The following MGA variants were observed in gnomAD, a reference collection of about 807,000 sequenced individuals.
MGA encodes the protein MAX dimerization protein MGA.
A neutral mutation model predicts 261.1 loss-of-function variants in MGA; 40 were observed. The observed-to-expected ratio is 0.15, with a 90% CI of 0.12 to 0.20. The LOEUF (loss-of-function observed/expected upper bound fraction) is 0.20, where lower values mean the gene tolerates loss of function less well. Ranked by LOEUF, MGA falls within the 10% of genes least tolerant of loss-of-function variation. The probability of loss-of-function intolerance (pLI) is 1.00; values close to 1 mark genes in which losing one functional copy is unlikely to be tolerated. For synonymous variants in MGA, 1,302 were observed against 1,290.6 expected (o/e 1.01, Z -0.19); for missense variants, 3,397 against 3,630.5 (o/e 0.94, Z 1.65).
In MGA at chr15:41,729,382, T is replaced by A. The variant is rs767255543; in HGVS notation, c.3843+33T>A. 35 of 1,572,914 alleles carry A rather than the reference T, an allele frequency of 2.2e-5. No individual in the cohort carries two copies. The East Asian group carries it at 7.9e-4, about 35-fold the overall frequency. On this transcript the variant is annotated intron_variant, in intron 11 of 23. Transcript: ENST00000219905. ...TCTTGTTGCATAAGTTCTTTTTAACTTCTGATTACCTGTTTTTGGTATTAA... is the reference window on the plus strand; with the variant it reads ...TCTTGTTGCATAAGTTCTTTTTAACATCTGATTACCTGTTTTTGGTATTAA...
rs370725511 is a variant in MGA at position 41,736,587 on chromosome 15, G to A, written c.4323G>A (p.Arg1441=). 104 of 1,613,890 alleles carry A rather than the reference G, an allele frequency of 6.4e-5. No homozygotes were observed. The highest frequency in any genetic ancestry group is 8.2e-5 in the Non-Finnish European group (97 of 1,179,908). ...AGACAGATGCCCTGGATTCAGTGAGGGAGAGATTACATGGAGGCAAAGGTC... is the reference window on the plus strand; with the variant it reads ...AGACAGATGCCCTGGATTCAGTGAGAGAGAGATTACATGGAGGCAAAGGTC... The change falls in exon 13 of 24, where the codon AGG becomes AGA. Residue 1441 remains arginine, a synonymous_variant. Coordinates refer to ENST00000219905, the MANE Select transcript of MGA (RefSeq NM_001164273.2).
chr15:41,650,532 G>C (rs2057021145), intron 1 of MGA, among the ~76,000 whole-genome samples: 1 of 152,048 alleles, frequency 6.6e-6, no homozygotes, highest in Non-Finnish European at 1.5e-5. Flanking sequence ...CCACCTCCCT[G>C]GTTCAAGCAA....
chr15:41,711,074 A>G lies in MGA; in HGVS notation c.2809A>G (p.Lys937Glu), dbSNP rs775951715. 3.1e-6 allele frequency: 5 copies of G among 1,613,932 alleles called. No homozygotes were observed. In the Admixed American group the frequency reaches 6.7e-5, roughly 22 times the overall value. The change falls in exon 8 of 24, where the codon AAG becomes GAG. Residue 937 changes from lysine to glutamate, a missense_variant. Physicochemically the swap from Lys to Glu is moderately conservative, Grantham distance 56. Coordinates refer to ENST00000219905, the MANE Select transcript of MGA (RefSeq NM_001164273.2). The stretch of plus-strand genomic sequence containing the variant: ...ATACTCTCATGTGATTCTAGGAGAT[A>G]AGGTTACCAAGAATTCTTCAGGCAT...
At chr15:41,676,021 TC>T (rs1262205522) in intron 2 of MGA, among the ~76,000 whole-genome samples, 1 of 152,226 alleles carries the variant, frequency 6.6e-6, no homozygotes, top group Non-Finnish European at 1.5e-5. Flanking sequence ...ATTCAGCTTT[TC>T]CATGTGTGAC....
intron 22 of MGA, among the ~76,000 whole-genome samples, chr15:41,764,407 C>G (rs944711255): frequency 6.6e-6 from 1 of 152,030 alleles, no homozygotes; most frequent in Non-Finnish European, 1.5e-5. Flanking sequence ...GCGCCCGCCA[C>G]CACGCCTGGC....
intron 1 of MGA, among the ~76,000 whole-genome samples, chr15:41,642,909 C>CTTT (rs753960013): frequency 7.7e-6 from 1 of 130,290 alleles, no homozygotes; most frequent in East Asian, 2.3e-4. Flanking sequence ...CATGCCTGGC[C>CTTT]TTTTTTTTTT....
chr15:41,637,859 C>T (rs1377851754), intron 1 of MGA, among the ~76,000 whole-genome samples: 2 of 151,674 alleles, frequency 1.3e-5, no homozygotes, highest in African/African-American at 2.4e-5. Context: ...ATTCTCCTGC[C>T]TCAGCCTTCT....
At chr15:41,651,417 C>T (rs1413089935) in intron 1 of MGA, among the ~76,000 whole-genome samples, 1 of 152,166 alleles carries the variant, frequency 6.6e-6, no homozygotes, top group Non-Finnish European at 1.5e-5. Context: ...GACTACATAG[C>T]CACTGATTGC....
rs1462362383 is a variant in MGA at position 41,725,855 on chromosome 15, A to T, written c.3431-1325A>T. On this transcript the variant is annotated intron_variant, in intron 9 of 23. Transcript: ENST00000219905. ...GTCTCAAAAAAAAAAAAAAAAAAAA[A>T]ATAAATAAATAAATAAATAAATAAG... is the stretch of plus-strand genomic sequence containing the variant. 4.4e-3 allele frequency among the ~76,000 whole-genome samples: 78 copies of T among 17,572 alleles called. 28 individuals are homozygous for T. In the Middle Eastern group the frequency reaches 0.19, roughly 42 times the overall value. The allele number at this position is 17,572 out of a possible 152,430, so 11.5% of individuals were successfully genotyped here.
chr15:41,765,975 T>C lies in MGA; in HGVS notation c.7922-29T>C, dbSNP rs377337711. 147 of 1,577,186 alleles carry C rather than the reference T, an allele frequency of 9.3e-5. No individual in the cohort carries two copies. The African/African-American group carries it at 1.7e-3, about 18-fold the overall frequency. ...GGTGTTAACACTAGATCTAAATGAA[T>C]TTTTCTTTTTTTAATTTTTGTTTTT... On this transcript the variant is annotated intron_variant, in intron 23 of 23. Coordinates refer to ENST00000219905, the MANE Select transcript of MGA (RefSeq NM_001164273.2).
At position 41,766,623 on chromosome 15, in the gene MGA, A is replaced by G. The variant is rs2063809233; in HGVS notation, c.8541A>G (p.Leu2847=). The change falls in exon 24 of 24, where the codon CTA becomes CTG. Residue 2847 remains leucine (L), a synonymous_variant. Transcript: ENST00000219905. ...ATGACTCTGTTGGCCTGGCTGAACT[A>G]CCCAGCTCTATGGATACAGAGTTCC... 6.2e-7 allele frequency: 1 copy of G among 1,614,006 alleles called. No homozygotes were observed. Among genetic ancestry groups the G allele is most frequent in the Non-Finnish European group, 8.5e-7 (1 of 1,179,884 alleles).
At chr15:41,657,423 G>C (rs1262073572), upstream of MGA, among the ~76,000 whole-genome samples, 1 of 142,684 alleles carries the variant, frequency 7.0e-6, no homozygotes, top group East Asian at 2.2e-4. Flanking sequence ...GCGCGATCTC[G>C]GCTCACTGCA....
chr15:41,707,700 G>A, intron 5 of MGA, 28 bp from the exon 6 acceptor site: 1 of 1,573,510 alleles, frequency 6.4e-7, no homozygotes, highest in Non-Finnish European at 8.6e-7. Flanking sequence ...ATTAATCTAT[G>A]GAAATATGAT....
At chr15:41,725,859 A>AAAAAAAAAAAAAAAAAAAAAAAAAAAC (rs2061213099) in intron 9 of MGA, among the ~76,000 whole-genome samples, 1 of 13,700 alleles carries the variant, frequency 7.3e-5, no homozygotes. Context: ...AAAAAAAATA[A>AAAAAAAAAAAAAAAAAAAAAAAAAAAC]ATAAATAAAT....
At chr15:41,648,396 A>G (rs1035597179) in intron 1 of MGA, among the ~76,000 whole-genome samples, 9 of 152,234 alleles carry the variant, frequency 5.9e-5, no homozygotes, top group Non-Finnish European at 8.8e-5. Flanking sequence ...GAGTTAATAT[A>G]TGGCAAATGC....
At chr15:41,725,250 A>T (rs974115308) in intron 9 of MGA, among the ~76,000 whole-genome samples, 2 of 152,218 alleles carry the variant, frequency 1.3e-5, no homozygotes, top group Non-Finnish European at 2.9e-5. Context: ...AGGCCGCAGG[A>T]TTGCATGAGG....
In MGA at chr15:41,727,355, G is replaced by A; in HGVS notation, c.3606G>A (p.Leu1202=). The A allele has an allele frequency of 1.2e-6, 2 of 1,613,946 alleles. No homozygotes were observed. The highest frequency in any genetic ancestry group is 1.7e-6 in the Non-Finnish European group (2 of 1,179,878). ...TATCTCCTACTGTGAAGGGCAAACT[G>A]CTCACTGGAATTAAATCTCCACGGT... The change falls in exon 10 of 24, where the codon CTG becomes CTA. Residue 1202 remains leucine, a synonymous_variant. Coordinates refer to ENST00000219905, the MANE Select transcript of MGA (RefSeq NM_001164273.2).
chr15:41,711,373 G>C (rs1399805834), intron 8 of MGA, 24 bp downstream of exon 8: 2 of 1,556,328 alleles, frequency 1.3e-6, no homozygotes, highest in African/African-American at 2.7e-5. Flanking sequence ...GTTTTCTGGA[G>C]GTATATTAGT....
At position 41,638,452 on chromosome 15, in the gene MGA, A is replaced by G. The variant is rs577179974; in HGVS notation, c.-68+17154A>G. Among the ~76,000 whole-genome samples the G allele has an allele frequency of 1.2e-3, 177 of 150,138 alleles. 2 individuals are homozygous for G. Among genetic ancestry groups the G allele is most frequent in the Non-Finnish European group, 2.1e-3 (140 of 67,520 alleles). On this transcript the variant is annotated intron_variant, in intron 1 of 8. Transcript: ENST00000566718. Reference sequence around the variant, plus strand: ...ATGATCATATCTCACTGCAGCCTCTAACTCCTGGGCTCAGGAGATCCTCCT... The same window carrying G: ...ATGATCATATCTCACTGCAGCCTCTGACTCCTGGGCTCAGGAGATCCTCCT...
Sources: gnomAD v4.1 joint callset for allele counts (sites outside exome capture counted in the v4.1 genomes callset) on GRCh38, gnomAD v4.1.1 for gene constraint, MANE v1.5 for transcripts, NCBI Gene and HGNC (gene_info 2026-07-23, HGNC 2026-07-21) for gene names.